SEM1: variants seen among roughly 807,000 people sequenced by gnomAD.
SEM1 encodes 26S proteasome complex subunit SEM1.
A neutral mutation model predicts 12.7 loss-of-function variants in SEM1; 3 were observed. The ratio of observed to expected loss-of-function variants is 0.24; its 90% confidence interval spans 0.11 to 0.61. The LOEUF is 0.61. SEM1 is among the 20% of genes least tolerant of loss of function. The pLI, the probability that SEM1 is intolerant of heterozygous loss-of-function variation, is 0.88. For missense variants in SEM1, 59 were observed against 81.3 expected (o/e 0.73, Z 1.06); for synonymous variants, 30 against 27.8 (o/e 1.08, Z -0.25).
chr7:96,544,914 C>T (rs1805060979), intron 2 of SEM1, among the ~76,000 whole-genome samples: 1 of 151,832 alleles, frequency 6.6e-6, no homozygotes, highest in South Asian at 2.1e-4. Context: ...GTCTTGCTGT[C>T]TCAGGGGCAG....
chr7:96,537,519 G>A (rs2115756989), intron 2 of SEM1, among the ~76,000 whole-genome samples: 1 of 151,574 alleles, frequency 6.6e-6, no homozygotes, highest in East Asian at 1.9e-4. Flanking sequence ...AATTTTGCTG[G>A]ACATGGAATT....
At chr7:96,639,983 G>A (rs529960740) in intron 2 of SEM1, among the ~76,000 whole-genome samples, 21 of 151,830 alleles carry the variant, frequency 1.4e-4, no homozygotes, top group Non-Finnish European at 2.7e-4. Flanking sequence ...ATCATATATC[G>A]TCAAATAAAT....
chr7:96,486,338 G>A (rs1419667493), exon 2 of SEM1: 1 of 1,536,962 alleles, frequency 6.5e-7, no homozygotes, highest in Admixed American at 2.0e-5. Flanking sequence ...TCTTATGCTG[G>A]GTCTCCTCCC....
chr7:96,547,075 C>T (rs1387789362), intron 2 of SEM1, among the ~76,000 whole-genome samples: 1 of 152,118 alleles, frequency 6.6e-6, no homozygotes, highest in Non-Finnish European at 1.5e-5. Flanking sequence ...CTTTTCTGAA[C>T]ACCTGTTTGT....
intron 2 of SEM1, among the ~76,000 whole-genome samples, chr7:96,548,586 C>A (rs560926595): frequency 6.6e-6 from 1 of 152,160 alleles, no homozygotes; most frequent in Non-Finnish European, 1.5e-5. Context: ...CTGACTGCTA[C>A]TTATTAGTGA....
intron 2 of SEM1, among the ~76,000 whole-genome samples, chr7:96,522,427 G>A (rs1301543611): frequency 1.3e-5 from 2 of 152,042 alleles, no homozygotes; most frequent in Non-Finnish European, 2.9e-5. Flanking sequence ...CAACTAGTAG[G>A]CACTGTTCTG....
At chr7:96,702,615 T>C (rs920097831) in intron 1 of SEM1, among the ~76,000 whole-genome samples, 1 of 152,182 alleles carries the variant, frequency 6.6e-6, no homozygotes, top group African/African-American at 2.4e-5. Flanking sequence ...GCTATACATT[T>C]TTTAAAAGAT....
At chr7:96,702,714 A>C (rs891918673) in intron 1 of SEM1, among the ~76,000 whole-genome samples, 10 of 152,250 alleles carry the variant, frequency 6.6e-5, no homozygotes, top group Admixed American at 2.6e-4. Flanking sequence ...AGGAAGGGAA[A>C]ATTAGTAACC....
chr7:96,644,334 T>C (rs367580914), intron 2 of SEM1, among the ~76,000 whole-genome samples: 1 of 152,146 alleles, frequency 6.6e-6, no homozygotes, highest in African/African-American at 2.4e-5. Context: ...CCAAGTTCTA[T>C]CAGCCTTGTA....
intron 2 of SEM1, among the ~76,000 whole-genome samples, chr7:96,552,120 A>G (rs1200377952): frequency 6.6e-6 from 1 of 152,172 alleles, no homozygotes; most frequent in Non-Finnish European, 1.5e-5. Context: ...TGGCCTCACC[A>G]TGAAGGTGGT....
chr7:96,691,593 T>C (rs184369149), intron 2 of SEM1, among the ~76,000 whole-genome samples: 303 of 152,336 alleles, frequency 2.0e-3, no homozygotes, highest in Non-Finnish European at 3.8e-3. Flanking sequence ...CTCCATTCTT[T>C]ACCATGACTT....
At chr7:96,539,606 G>T (rs1015159050) in intron 2 of SEM1, among the ~76,000 whole-genome samples, 1 of 151,226 alleles carries the variant, frequency 6.6e-6, no homozygotes, top group Non-Finnish European at 1.5e-5. Flanking sequence ...TGAAGTTATC[G>T]CATTGAAAAA....
At chr7:96,620,716 T>A (rs1356878085), downstream of SEM1, among the ~76,000 whole-genome samples, 1 of 152,226 alleles carries the variant, frequency 6.6e-6, no homozygotes, top group Non-Finnish European at 1.5e-5. Flanking sequence ...GTTTGGAGTA[T>A]CTGCTTACTA....
chr7:96,553,955 C>A (rs1426920493), intron 2 of SEM1, among the ~76,000 whole-genome samples: 1 of 151,654 alleles, frequency 6.6e-6, no homozygotes, highest in East Asian at 1.9e-4. Context: ...CTCTTTGAAG[C>A]AATTGTGAAT....
chr7:96,569,828 T>C (rs1274685608), intron 2 of SEM1, among the ~76,000 whole-genome samples: 1 of 152,174 alleles, frequency 6.6e-6, no homozygotes, highest in Non-Finnish European at 1.5e-5. Context: ...CTTAAGATAA[T>C]GGCCTGTAGT....
chr7:96,633,226 C>A (rs367604289), intron 2 of SEM1, among the ~76,000 whole-genome samples: 1 of 151,882 alleles, frequency 6.6e-6, no homozygotes, highest in Non-Finnish European at 1.5e-5. Flanking sequence ...TGGAAAAACA[C>A]CTTTAATTGT....
At chr7:96,647,461 C>G (rs1401460598) in intron 2 of SEM1, 1 of 152,032 alleles carries the variant, frequency 6.6e-6, no homozygotes, top group Non-Finnish European at 1.5e-5. Flanking sequence ...ATATAATGGG[C>G]TACTTGAAAG....
chr7:96,602,245 C>G (rs1215285292), intron 2 of SEM1, among the ~76,000 whole-genome samples: 1 of 152,130 alleles, frequency 6.6e-6, no homozygotes, highest in Non-Finnish European at 1.5e-5. Context: ...GTGGGGATAA[C>G]AGAGGACCAG....
intron 2 of SEM1, among the ~76,000 whole-genome samples, chr7:96,579,457 GAGA>G (rs1207242396): frequency 2.6e-5 from 4 of 152,128 alleles, no homozygotes; most frequent in Admixed American, 6.6e-5. Flanking sequence ...GATGACAGAG[GAGA>G]AGAACTGAAT....
Sources: gnomAD v4.1 joint callset for allele counts (sites outside exome capture counted in the v4.1 genomes callset) on GRCh38, gnomAD v4.1.1 for gene constraint, MANE v1.5 for transcripts, NCBI Gene and HGNC (gene_info 2026-07-23, HGNC 2026-07-21) for gene names.